Variants in SGCD observed in about 807,000 individuals in gnomAD.
SGCD encodes the protein delta-sarcoglycan.
A neutral mutation model predicts 36.6 loss-of-function variants in SGCD; 18 were observed. The ratio of observed to expected loss-of-function variants is 0.49; its 90% CI spans 0.34 to 0.73. SGCD has a LOEUF of 0.73. Among genes scored for constraint, SGCD ranks in the 30% least tolerant of loss-of-function variants. The pLI, the probability that SGCD is intolerant of heterozygous loss-of-function variation, is 0.01. For missense variants in SGCD, 387 were observed against 346.7 expected, an observed-to-expected ratio of 1.12 and a Z score of -0.92; for synonymous variants, 133 against 130.6, an observed-to-expected ratio of 1.02 and a Z score of -0.12.
chr5:156,740,228 T>C (rs1198003961), intron 7 of SGCD, among the ~76,000 whole-genome samples: 2 of 152,214 alleles, frequency 1.3e-5, no homozygotes, highest in East Asian at 1.9e-4. Flanking sequence ...AAATGTCCCA[T>C]TACATTGATA....
intron 3 of SGCD, among the ~76,000 whole-genome samples, chr5:156,200,921 G>A (rs1047048516): frequency 6.6e-6 from 1 of 152,098 alleles, no homozygotes; most frequent in Non-Finnish European, 1.5e-5. Flanking sequence ...AAACAGGAAG[G>A]ACATCCTCTT....
At chr5:156,417,473 T>G (rs1432140414) in intron 3 of SGCD, among the ~76,000 whole-genome samples, 1 of 152,150 alleles carries the variant, frequency 6.6e-6, no homozygotes. Flanking sequence ...AGTGTCGTCT[T>G]AGTCTGCTTG....
intron 3 of SGCD, among the ~76,000 whole-genome samples, chr5:156,173,462 CA>C (rs1360296222): frequency 1.3e-5 from 2 of 151,940 alleles, no homozygotes; most frequent in African/African-American, 4.8e-5. Flanking sequence ...AGTAAATAAA[CA>C]GCTATTCAAC....
At chr5:155,789,295 T>G in the SGCD span, among the ~76,000 whole-genome samples, 4 of 152,150 alleles carry the variant, frequency 2.6e-5, no homozygotes, top group African/African-American at 9.7e-5. Context: ...ATTTAGATAT[T>G]GTAATTAAAA....
chr5:155,775,190 A>T, the SGCD span, among the ~76,000 whole-genome samples: 1 of 152,170 alleles, frequency 6.6e-6, no homozygotes, highest in Non-Finnish European at 1.5e-5. Flanking sequence ...TTGATCTCCC[A>T]TGATGTCCTG....
chr5:156,332,997 T>C (rs1166647340), intron 2 of SGCD, among the ~76,000 whole-genome samples: 1 of 152,224 alleles, frequency 6.6e-6, no homozygotes, highest in Non-Finnish European at 1.5e-5. Context: ...CATGAAAGCA[T>C]GCAAAGTGCT....
At chr5:156,488,320 A>G (rs1018283947) in intron 3 of SGCD, among the ~76,000 whole-genome samples, 5 of 152,024 alleles carry the variant, frequency 3.3e-5, no homozygotes. Flanking sequence ...GAAGCTCAAA[A>G]CCCCCCAAAT....
intron 3 of SGCD, among the ~76,000 whole-genome samples, chr5:156,245,048 C>G (rs1190280783): frequency 1.3e-5 from 2 of 152,170 alleles, no homozygotes; most frequent in African/African-American, 4.8e-5. Flanking sequence ...ATGTGTTTCA[C>G]CATTGTATTC....
intron 1 of SGCD, among the ~76,000 whole-genome samples, chr5:155,986,555 C>A (rs1410205021): frequency 6.6e-6 from 1 of 152,204 alleles, no homozygotes; most frequent in East Asian, 1.9e-4. Flanking sequence ...ACCCAGGCAC[C>A]ATTTTGAGGG....
chr5:156,634,881 C>T (rs540393704), intron 6 of SGCD, among the ~76,000 whole-genome samples: 1 of 152,026 alleles, frequency 6.6e-6, no homozygotes, highest in South Asian at 2.1e-4. Flanking sequence ...ATTACTAAGC[C>T]GCAGACAAAG....
chr5:155,796,189 A>G, the SGCD span, among the ~76,000 whole-genome samples: 1 of 152,194 alleles, frequency 6.6e-6, no homozygotes, highest in Non-Finnish European at 1.5e-5. Flanking sequence ...CCAACTGACC[A>G]TATACTGGCT....
chr5:156,636,045 A>T (rs1358626244), intron 6 of SGCD, among the ~76,000 whole-genome samples: 1 of 152,078 alleles, frequency 6.6e-6, no homozygotes, highest in African/African-American at 2.4e-5. Context: ...TAAAAAAAAA[A>T]TGGGGCTTTC....
chr5:156,604,932 CTG>C (rs1165081006), intron 6 of SGCD, among the ~76,000 whole-genome samples: 1 of 151,106 alleles, frequency 6.6e-6, no homozygotes, highest in Non-Finnish European at 1.5e-5. Context: ...TTGTTTTTGA[CTG>C]TGTTGACTTT....
At chr5:155,987,443 T>C (rs1415179340) in intron 1 of SGCD, among the ~76,000 whole-genome samples, 4 of 152,218 alleles carry the variant, frequency 2.6e-5, no homozygotes, top group African/African-American at 9.6e-5. Context: ...AATAGTCTCC[T>C]GATGGTGTTT....
intron 1 of SGCD, among the ~76,000 whole-genome samples, chr5:155,926,832 G>C (rs1483783642): frequency 6.6e-6 from 1 of 152,054 alleles, no homozygotes; most frequent in Admixed American, 6.6e-5. Context: ...AAATTAAAAC[G>C]CTAGAAATAA....
intron 7 of SGCD, among the ~76,000 whole-genome samples, chr5:156,735,828 G>A (rs953816636): frequency 1.1e-4 from 17 of 152,148 alleles, no homozygotes; most frequent in African/African-American, 4.1e-4. Context: ...ACTTGTGCTG[G>A]GAAGCCTGGA....
chr5:156,076,033 C>G (rs1760775429), intron 1 of SGCD, among the ~76,000 whole-genome samples: 1 of 151,952 alleles, frequency 6.6e-6, no homozygotes, highest in Non-Finnish European at 1.5e-5. Context: ...ATACTGTAGA[C>G]TAGTAGCACT....
intron 3 of SGCD, among the ~76,000 whole-genome samples, chr5:156,384,038 T>C (rs1468550565): frequency 6.6e-6 from 1 of 152,204 alleles, no homozygotes; most frequent in African/African-American, 2.4e-5. Context: ...TTATATGTAT[T>C]TCGGTGTGTA....
At chr5:156,319,396 C>T (rs1425371593) in intron 3 of SGCD, among the ~76,000 whole-genome samples, 2 of 152,154 alleles carry the variant, frequency 1.3e-5, no homozygotes, top group African/African-American at 4.8e-5. Flanking sequence ...TTTTGCCTGC[C>T]TTTAACTTGG....
Sources: gnomAD v4.1 joint callset for allele counts (sites outside exome capture counted in the v4.1 genomes callset) on GRCh38, gnomAD v4.1.1 for gene constraint, MANE v1.5 for transcripts, NCBI Gene and HGNC (gene_info 2026-07-23, HGNC 2026-07-21) for gene names.